PRDM6: variants seen among roughly 807,000 people sequenced by gnomAD.
PRDM6 encodes PR/SET domain 6, also known as putative histone-lysine N-methyltransferase PRDM6.
PRDM6 carries 25 observed loss-of-function variants against 60.8 expected under a neutral mutation model. That is an observed-to-expected ratio of 0.41 (90% CI 0.30 to 0.57). The LOEUF is 0.57. PRDM6 is among the 20% of genes least tolerant of loss of function. The pLI is 0.27. For synonymous variants in PRDM6, 407 were observed against 357.4 expected (o/e 1.14, Z -1.57); for missense variants, 839 against 821.3 (o/e 1.02, Z -0.26).
In PRDM6 at chr5:123,184,772, A is replaced by T. The variant is rs140514069; in HGVS notation, c.1674-2315A>T. ...AAACTGAAGTCCTTCTCTTATTTTT[A>T]AAAAATATTTTTATATCTAGCTCTT... On this transcript the variant is annotated intron_variant, in intron 7 of 7. Coordinates refer to ENST00000407847, the MANE Select transcript of PRDM6 (RefSeq NM_001136239.4). 5.6e-3 allele frequency among the ~76,000 whole-genome samples: 859 copies of T among 152,300 alleles called. 9 individuals are homozygous for T. Among genetic ancestry groups the T allele is most frequent in the African/African-American group, 0.019 (794 of 41,562 alleles).
chr5:123,095,427 G>A (rs969230864), intron 2 of PRDM6, among the ~76,000 whole-genome samples: 2 of 152,244 alleles, frequency 1.3e-5, no homozygotes, highest in African/African-American at 4.8e-5. Flanking sequence ...CCCCGGGGGC[G>A]TGAACCCCAC....
intron 7 of PRDM6, among the ~76,000 whole-genome samples, chr5:123,183,288 C>T (rs904006602): frequency 3.3e-5 from 5 of 152,172 alleles, no homozygotes; most frequent in African/African-American, 9.7e-5. Context: ...CCATCCAGGG[C>T]TCAGGAGGCC....
At chr5:123,165,020 A>C (rs201846358) in intron 5 of PRDM6, among the ~76,000 whole-genome samples, 2 of 152,186 alleles carry the variant, frequency 1.3e-5, no homozygotes, top group Non-Finnish European at 2.9e-5. Context: ...CCCTCAGCTC[A>C]GTGCTGCTTG....
At chr5:123,177,446 C>G (rs1386328349) in intron 6 of PRDM6, among the ~76,000 whole-genome samples, 2 of 152,128 alleles carry the variant, frequency 1.3e-5, no homozygotes, top group Non-Finnish European at 2.9e-5. Flanking sequence ...ACCAAGTATT[C>G]TAAAATCTTA....
intron 4 of PRDM6, among the ~76,000 whole-genome samples, chr5:123,157,138 A>G (rs976813941): frequency 2.0e-5 from 3 of 151,422 alleles, no homozygotes; most frequent in Non-Finnish European, 4.4e-5. Context: ...AGGCTGCACA[A>G]ATTTGGCTTG....
intron 3 of PRDM6, among the ~76,000 whole-genome samples, chr5:123,140,784 A>G (rs1333900092): frequency 6.6e-6 from 1 of 152,098 alleles, no homozygotes; most frequent in Non-Finnish European, 1.5e-5. Flanking sequence ...GGTGCATAGG[A>G]TTGTTTTATG....
chr5:123,106,180 T>C (rs1580481533), intron 3 of PRDM6, among the ~76,000 whole-genome samples: 2 of 152,342 alleles, frequency 1.3e-5, no homozygotes, highest in Middle Eastern at 6.8e-3. Context: ...GACAGCACAC[T>C]ATTGGCTGGA....
chr5:123,147,956 G>A (rs1163574642), intron 3 of PRDM6, among the ~76,000 whole-genome samples: 1 of 152,176 alleles, frequency 6.6e-6, no homozygotes, highest in East Asian at 1.9e-4. Context: ...AATCCTCAGA[G>A]TCACCGACTC....
rs767762293 is a variant in PRDM6, at chr5:123,090,273, TCCACCTCCG to T, written c.262_270del (p.Thr88_Ala90del). 4.6e-6 allele frequency: 5 copies of T among 1,082,696 alleles called. No homozygotes were observed. Among genetic ancestry groups the T allele is most frequent in the East Asian group, 5.9e-5 (2 of 33,786 alleles). The allele number at this position is 1,082,696 out of a possible 1,614,324, so 67.1% of individuals were successfully genotyped here. A position where few individuals can be genotyped will look rare whatever the true frequency, so the allele number is the denominator to read the frequency against. Reference sequence around the variant, plus strand: ...CGCCTCGTCCACGCCGGCTTCCTCTTCCACCTCCGCCTCCTCCGCCTCCTCCTGCGCTGC... The same window carrying T: ...CGCCTCGTCCACGCCGGCTTCCTCTTCCTCCTCCGCCTCCTCCTGCGCTGC... On this transcript the variant is annotated inframe_deletion, in exon 2 of 8. Transcript: ENST00000407847.
intron 4 of PRDM6, among the ~76,000 whole-genome samples, chr5:123,159,186 A>G (rs1305021410): frequency 1.3e-5 from 2 of 152,194 alleles, no homozygotes; most frequent in African/African-American, 2.4e-5. Flanking sequence ...TGTCTTTGCA[A>G]TTTTCCAGGA....
chr5:123,120,230 A>G (rs1205171747), intron 3 of PRDM6, among the ~76,000 whole-genome samples: 5 of 152,274 alleles, frequency 3.3e-5, no homozygotes, highest in African/African-American at 1.2e-4. Context: ...ACAAATGTGC[A>G]TAATTTAAAA....
At chr5:123,127,517 T>A (rs1420329439) in intron 3 of PRDM6, among the ~76,000 whole-genome samples, 1 of 152,310 alleles carries the variant, frequency 6.6e-6, no homozygotes, top group African/African-American at 2.4e-5. Flanking sequence ...ACTACTTTTT[T>A]GGGGTTGAAA....
At chr5:123,091,034 C>T (rs1324793779) in intron 2 of PRDM6, among the ~76,000 whole-genome samples, 1 of 152,162 alleles carries the variant, frequency 6.6e-6, no homozygotes, top group East Asian at 1.9e-4. Flanking sequence ...CCCTCAGCGT[C>T]TCTGGGGAGC....
At chr5:123,141,784 A>G (rs1381017397) in intron 3 of PRDM6, among the ~76,000 whole-genome samples, 2 of 152,162 alleles carry the variant, frequency 1.3e-5, no homozygotes, top group East Asian at 3.8e-4. Flanking sequence ...AAATAATGAT[A>G]ATGGTACTGT....
rs1766450069 is a variant in PRDM6 at position 123,192,379 on chromosome 5, A to T, written c.*5178A>T. On this transcript the variant is annotated 3_prime_UTR_variant, in exon 8 of 8. Transcript: ENST00000407847. ...TGTTAAAAGAGGAAAATACTTCTCT[A>T]TGTAAAGCTTTTTTTTGAGAACAAG... 6.6e-6 allele frequency: 1 copy of T among 152,200 alleles called. No individual in the cohort carries two copies. Among genetic ancestry groups the T allele is most frequent in the South Asian group, 2.1e-4 (1 of 4,830 alleles). The allele number at this position is 152,200 out of a possible 1,614,324, so 9.4% of individuals were successfully genotyped here. A position where few individuals can be genotyped will look rare whatever the true frequency, so the allele number is the denominator to read the frequency against.
At chr5:123,115,076 G>A (rs10077410) in intron 3 of PRDM6, among the ~76,000 whole-genome samples, 24,754 of 152,132 alleles carry the variant, frequency 0.16, 2,299 homozygotes, top group East Asian at 0.42. Context: ...TAGAGGAGGT[G>A]TAAGACATCT....
intron 3 of PRDM6, among the ~76,000 whole-genome samples, chr5:123,114,481 C>T (rs1475538661): frequency 2.6e-5 from 4 of 152,200 alleles, no homozygotes; most frequent in African/African-American, 9.7e-5. Context: ...TCCAGCATCC[C>T]CTTGAGACTT....
intron 3 of PRDM6, among the ~76,000 whole-genome samples, chr5:123,143,369 T>C (rs2126862925): frequency 6.6e-6 from 1 of 152,294 alleles, no homozygotes; most frequent in Non-Finnish European, 1.5e-5. Context: ...CCACAGATGC[T>C]TCCTGTGGAA....
rs146277974 is a variant in PRDM6 at position 123,138,595 on chromosome 5, A to G, written c.901-17289A>G. Among the ~76,000 whole-genome samples, 507 of 152,356 alleles carry G rather than the reference A, an allele frequency of 3.3e-3. 3 individuals are homozygous for G. The highest frequency in any genetic ancestry group is 6.0e-3 in the Admixed American group (92 of 15,306). On this transcript the variant is annotated intron_variant, in intron 3 of 7. Coordinates refer to ENST00000407847, the MANE Select transcript of PRDM6 (RefSeq NM_001136239.4). ...GTTGAATGTTTTCAGGAAAACTAGT[A>G]AAGTTTTTTGTCAAACAAAATTATT...
Sources: gnomAD v4.1 joint callset for allele counts (sites outside exome capture counted in the v4.1 genomes callset) on GRCh38, gnomAD v4.1.1 for gene constraint, MANE v1.5 for transcripts, NCBI Gene and HGNC (gene_info 2026-07-23, HGNC 2026-07-21) for gene names.